Variants in RIC3 observed in about 807,000 individuals in gnomAD.
The protein encoded by RIC3 is RIC3 acetylcholine receptor chaperone, also known as protein RIC-3.
RIC3 carries 28 observed loss-of-function variants against 27.3 expected under a neutral mutation model. The observed-to-expected ratio is 1.02, with a 90% confidence interval of 0.76 to 1.41. The LOEUF (loss-of-function observed/expected upper bound fraction) is 1.41, where lower values mean the gene tolerates loss of function less well. RIC3 is among the 40% of genes most tolerant of loss of function. The pLI, the probability that RIC3 is intolerant of heterozygous loss-of-function variation, is 0.00. For synonymous variants in RIC3, 184 were observed against 160.4 expected (o/e 1.15, Z -1.11); for missense variants, 501 against 444.7 (o/e 1.13, Z -1.14).
intron 1 of RIC3, among the ~76,000 whole-genome samples, chr11:8,161,442 C>T (rs1248043069): frequency 6.6e-6 from 1 of 152,208 alleles, no homozygotes; most frequent in African/African-American, 2.4e-5. Context: ...CTCCCTCTCC[C>T]TCACTTTCCC....
intron 5 of RIC3, among the ~76,000 whole-genome samples, chr11:8,120,604 C>A (rs1056942326): frequency 8.6e-5 from 13 of 151,862 alleles, no homozygotes; most frequent in Admixed American, 3.9e-4. Context: ...TGGAGCAAAC[C>A]AACATGGCAC....
chr11:8,101,502 G>A (rs1207092091), downstream of RIC3: 1 of 1,614,204 alleles, frequency 6.2e-7, no homozygotes, highest in South Asian at 1.1e-5. Context: ...ACATCGTGAT[G>A]CAGTTTGGCC....
intron 1 of RIC3, among the ~76,000 whole-genome samples, chr11:8,146,414 G>A (rs1360760235): frequency 1.3e-5 from 2 of 152,184 alleles, no homozygotes; most frequent in African/African-American, 4.8e-5. Flanking sequence ...AAAGGGAACT[G>A]GAATGTGGGT....
At chr11:8,151,359 G>A (rs867005538) in intron 1 of RIC3, among the ~76,000 whole-genome samples, 5 of 151,724 alleles carry the variant, frequency 3.3e-5, no homozygotes, top group South Asian at 4.2e-4. Flanking sequence ...AGGCCGAGAC[G>A]GGCGGATCAC....
At chr11:8,093,939 T>C in the RIC3 span, 1 of 1,350,356 alleles carries the variant, frequency 7.4e-7, no homozygotes, top group East Asian at 2.3e-5. Context: ...CTGGTGGGAC[T>C]CGGGGTGCAG....
At chr11:8,120,689 A>G (rs544931349) in intron 5 of RIC3, among the ~76,000 whole-genome samples, 4 of 152,138 alleles carry the variant, frequency 2.6e-5, no homozygotes, top group African/African-American at 9.6e-5. Context: ...TAAAAAAGAC[A>G]CCAATACCCC....
the RIC3 span, chr11:8,096,917 G>A: frequency 2.1e-5 from 27 of 1,278,810 alleles, no homozygotes; most frequent in Non-Finnish European, 3.0e-5. Context: ...TTCTCTGCTG[G>A]CCTCTTATGT....
chr11:8,097,398 G>C, the RIC3 span: 2 of 1,614,084 alleles, frequency 1.2e-6, no homozygotes, highest in African/African-American at 2.7e-5. Flanking sequence ...CCTACTTTCT[G>C]CACCTGGACC....
At chr11:8,151,988 G>A (rs1950284016) in intron 1 of RIC3, among the ~76,000 whole-genome samples, 1 of 151,434 alleles carries the variant, frequency 6.6e-6, no homozygotes. Flanking sequence ...TGTCCAATAA[G>A]CACAGGAAAG....
At chr11:8,156,467 G>A (rs1485888976) in intron 1 of RIC3, among the ~76,000 whole-genome samples, 1 of 152,112 alleles carries the variant, frequency 6.6e-6, no homozygotes, top group Non-Finnish European at 1.5e-5. Context: ...TATATACAAA[G>A]CACCTAGCAC....
At chr11:8,131,638 C>T (rs1181159026) in intron 4 of RIC3, among the ~76,000 whole-genome samples, 2 of 151,994 alleles carry the variant, frequency 1.3e-5, no homozygotes, top group African/African-American at 2.4e-5. Context: ...CGGTGGCTCA[C>T]GACTGTAATC....
intron 1 of RIC3, among the ~76,000 whole-genome samples, chr11:8,160,573 A>G (rs530443385): frequency 6.6e-5 from 10 of 152,312 alleles, no homozygotes; most frequent in African/African-American, 2.2e-4. Flanking sequence ...AATGAACAAA[A>G]CCTAGATGAG....
chr11:8,109,576 A>G lies in RIC3; in HGVS notation c.*1122T>C, dbSNP rs1945023607. ...GGTCTCTACCCCTGGGCACTGCTAT[A>G]TTGGTTCTCTGCAACAGACATACTC... On this transcript the variant is annotated 3_prime_UTR_variant, in exon 6 of 6. Transcript: ENST00000309737. The G allele has an allele frequency of 1.3e-5, 2 of 152,122 alleles. No individual in the cohort carries two copies. Among genetic ancestry groups the G allele is most frequent in the Admixed American group, 6.6e-5 (1 of 15,262 alleles). The allele number at this position is 152,122 out of a possible 1,614,324, so 9.4% of individuals were successfully genotyped here. A position where few individuals can be genotyped will look rare whatever the true frequency, so the allele number is the denominator to read the frequency against.
rs547817411 is a variant in RIC3, at chr11:8,138,100, A to C, written c.427+172T>G. On this transcript the variant is annotated intron_variant, in intron 3 of 5. Transcript: ENST00000309737. ...CTGGTGGTTTTGTACTTTTTGTAGT[A>C]CATCAATATAAAAACTTTTGAGAAT... 3.9e-5 allele frequency among the ~76,000 whole-genome samples: 6 copies of C among 152,328 alleles called. No individual in the cohort carries two copies. In the East Asian group the frequency reaches 1.2e-3, roughly 29 times the overall value.
chr11:8,100,560 A>G, the RIC3 span: 9 of 1,614,180 alleles, frequency 5.6e-6, no homozygotes, highest in African/African-American at 5.3e-5. Flanking sequence ...TGTCCCAGGC[A>G]TGAACATGGT....
intron 2 of RIC3, chr11:8,139,295 G>GT (rs1346683774): frequency 1.3e-5 from 2 of 152,606 alleles, no homozygotes; most frequent in East Asian, 3.9e-4. Flanking sequence ...GGAGGGCAAA[G>GT]TGAGTCTTCT....
Position 8,109,092 on chromosome 11 carries a change from G to A in RIC3, c.*1606C>T, listed in dbSNP as rs1258428319. 1 of 152,106 alleles carries A rather than the reference G, an allele frequency of 6.6e-6. No individual in the cohort carries two copies. Among genetic ancestry groups the A allele is most frequent in the African/African-American group, 2.4e-5 (1 of 41,444 alleles). 9.4% of individuals were successfully genotyped at this position (152,106 alleles called of 1,614,324 possible). A position where few individuals can be genotyped will look rare whatever the true frequency, so the allele number is the denominator to read the frequency against. The stretch of plus-strand genomic sequence containing the variant: ...ATGCAATATGCTTTCTATAAACTCA[G>A]TCTTGAATGACTTTCTGTAACTCAA... On this transcript the variant is annotated 3_prime_UTR_variant, in exon 6 of 6. Transcript: ENST00000309737.
intron 1 of RIC3, among the ~76,000 whole-genome samples, chr11:8,150,572 C>G (rs553963957): frequency 1.2e-3 from 181 of 152,022 alleles, no homozygotes; most frequent in African/African-American, 3.8e-3. Context: ...AATGACAAAG[C>G]TAATTAAAAT....
At chr11:8,098,715 G>C in the RIC3 span, 4 of 1,440,744 alleles carry the variant, frequency 2.8e-6, no homozygotes, top group Non-Finnish European at 3.9e-6. Context: ...CTGCTCTGGG[G>C]CAGAGGGTGC....
Sources: gnomAD v4.1 joint callset for allele counts (sites outside exome capture counted in the v4.1 genomes callset) on GRCh38, gnomAD v4.1.1 for gene constraint, MANE v1.5 for transcripts, NCBI Gene and HGNC (gene_info 2026-07-23, HGNC 2026-07-21) for gene names.